The following SEMA3E variants were observed in gnomAD, a reference collection of about 807,000 sequenced individuals.
SEMA3E encodes semaphorin-3E.
SEMA3E carries 49 observed loss-of-function variants against 93.6 expected under a neutral mutation model. The observed-to-expected ratio is 0.52, with a 90% CI of 0.42 to 0.66. The LOEUF (loss-of-function observed/expected upper bound fraction) is 0.66, where lower values mean the gene tolerates loss of function less well. SEMA3E is among the 30% of genes least tolerant of loss of function. The pLI, the probability that SEMA3E is intolerant of heterozygous loss-of-function variation, is 0.00. For synonymous variants in SEMA3E, 363 were observed against 330.7 expected (o/e 1.10, Z -1.06); for missense variants, 906 against 964.8 (o/e 0.94, Z 0.81).
chr7:83,436,449 C>T (rs1789007008), intron 4 of SEMA3E, among the ~76,000 whole-genome samples: 1 of 151,514 alleles, frequency 6.6e-6, no homozygotes, highest in South Asian at 2.1e-4. Context: ...AGCCTTTCAA[C>T]CTCAATTTCG....
At chr7:83,429,145 A>G (rs1245043635) in intron 4 of SEMA3E, among the ~76,000 whole-genome samples, 1 of 152,174 alleles carries the variant, frequency 6.6e-6, no homozygotes, top group African/African-American at 2.4e-5. Flanking sequence ...AACGTTTGTA[A>G]GTCCTTTAAT....
At chr7:83,509,184 T>C (rs1188466874) in intron 1 of SEMA3E, among the ~76,000 whole-genome samples, 2 of 152,188 alleles carry the variant, frequency 1.3e-5, no homozygotes, top group East Asian at 3.9e-4. Context: ...CTTTGCTTTG[T>C]CTTAACACTT....
At position 83,408,415 on chromosome 7, in the gene SEMA3E, C is replaced by T. The variant is rs61729612; in HGVS notation, c.623G>A (p.Arg208Gln). The change falls in exon 6 of 17, where the codon CGA becomes CAA. Residue 208 changes from arginine to glutamine, a missense_variant. Coordinates refer to ENST00000643230, the MANE Select transcript of SEMA3E (RefSeq NM_012431.3). ...ATGCTCAGTGCGGATATGGGCCAGT[C>T]GCCCCATGCTGCGGAAGATCGCAGC... ...RDAAIFRSMG[R>Q]LAHIRTEHDD... 4.3e-6 allele frequency: 7 copies of T among 1,613,618 alleles called. No homozygotes were observed. The South Asian group carries it at 4.4e-5, about 10-fold the overall frequency.
intron 1 of SEMA3E, among the ~76,000 whole-genome samples, chr7:83,603,080 T>C (rs545114042): frequency 1.3e-5 from 2 of 152,286 alleles, no homozygotes; most frequent in South Asian, 4.1e-4. Flanking sequence ...AAAGAAGCTA[T>C]ATTGTATAAG....
intron 4 of SEMA3E, among the ~76,000 whole-genome samples, chr7:83,465,805 A>G (rs1789743768): frequency 6.6e-6 from 1 of 152,204 alleles, no homozygotes; most frequent in African/African-American, 2.4e-5. Context: ...TATACTTAAA[A>G]GTAACGAGAG....
At chr7:83,546,321 G>GGT (rs67647992) in intron 1 of SEMA3E, among the ~76,000 whole-genome samples, 2,614 of 129,404 alleles carry the variant, frequency 0.02, 24 homozygotes, top group Admixed American at 0.029. Context: ...TATAATAAGG[G>GGT]GTGTGTGTGT....
chr7:83,616,511 G>T, intron 1 of SEMA3E: 1 of 212,952 alleles, frequency 4.7e-6, no homozygotes, highest in South Asian at 5.4e-5. Flanking sequence ...AAAATAGCGG[G>T]CAAACTGGCT....
At chr7:83,387,188 C>A in intron 14 of SEMA3E, 138 bp from the exon 15 acceptor site, 2 of 746,548 alleles carry the variant, frequency 2.7e-6, no homozygotes, top group Non-Finnish European at 4.5e-6. Flanking sequence ...GAATAAAATC[C>A]AAGTTTCATA....
intron 4 of SEMA3E, among the ~76,000 whole-genome samples, chr7:83,436,076 A>G (rs1443157479): frequency 1.3e-5 from 2 of 152,086 alleles, no homozygotes; most frequent in Admixed American, 6.5e-5. Context: ...TATCAATACT[A>G]TATTTGGTAA....
intron 1 of SEMA3E, among the ~76,000 whole-genome samples, chr7:83,613,501 C>T (rs1482005688): frequency 6.6e-6 from 1 of 151,924 alleles, no homozygotes; most frequent in Non-Finnish European, 1.5e-5. Context: ...TAACAAAGAG[C>T]CCTATTTACC....
intron 1 of SEMA3E, among the ~76,000 whole-genome samples, chr7:83,547,816 G>A (rs1791682050): frequency 6.6e-6 from 1 of 152,028 alleles, no homozygotes; most frequent in African/African-American, 2.4e-5. Context: ...ACTGCCAGGT[G>A]AGGCAAGCAG....
intron 1 of SEMA3E, among the ~76,000 whole-genome samples, chr7:83,608,398 A>G (rs958364103): frequency 1.3e-5 from 2 of 152,104 alleles, no homozygotes; most frequent in Non-Finnish European, 2.9e-5. Context: ...GGAATTTTTT[A>G]AAGGAAAAAT....
intron 5 of SEMA3E, among the ~76,000 whole-genome samples, chr7:83,408,855 T>C (rs1230626144): frequency 1.1e-4 from 17 of 152,350 alleles, no homozygotes; most frequent in Middle Eastern, 3.4e-3. Context: ...AGACTTCTTT[T>C]AACCTCCCTA....
chr7:83,578,177 G>A (rs1251683684), intron 1 of SEMA3E, among the ~76,000 whole-genome samples: 3 of 151,592 alleles, frequency 2.0e-5, no homozygotes, highest in African/African-American at 7.3e-5. Context: ...TGATAAAATA[G>A]TTTCATTTAC....
chr7:83,577,938 C>G (rs537248598), intron 1 of SEMA3E, among the ~76,000 whole-genome samples: 1 of 151,976 alleles, frequency 6.6e-6, no homozygotes, highest in Non-Finnish European at 1.5e-5. Flanking sequence ...TGATATGACT[C>G]TTTTTTACCT....
chr7:83,483,838 A>G (rs2115952788), intron 2 of SEMA3E, among the ~76,000 whole-genome samples: 1 of 152,238 alleles, frequency 6.6e-6, no homozygotes, highest in Non-Finnish European at 1.5e-5. Flanking sequence ...TGAAGTTAAA[A>G]TTGAAGGTTA....
intron 4 of SEMA3E, among the ~76,000 whole-genome samples, chr7:83,451,464 C>T (rs1046320954): frequency 8.6e-5 from 13 of 152,026 alleles, no homozygotes; most frequent in Middle Eastern, 3.4e-3. Context: ...GTAACAAACC[C>T]ATTCATTTAT....
At chr7:83,417,439 C>T (rs999191924) in intron 5 of SEMA3E, among the ~76,000 whole-genome samples, 1 of 152,008 alleles carries the variant, frequency 6.6e-6, no homozygotes, top group Admixed American at 6.6e-5. Flanking sequence ...AAGTTTTAAT[C>T]GTTTATTTAG....
intron 4 of SEMA3E, among the ~76,000 whole-genome samples, chr7:83,432,857 A>T (rs1584245511): frequency 6.6e-6 from 1 of 152,200 alleles, no homozygotes; most frequent in African/African-American, 2.4e-5. Context: ...AACATTGATC[A>T]ATACAGAAAA....
Sources: gnomAD v4.1 joint callset for allele counts (sites outside exome capture counted in the v4.1 genomes callset) on GRCh38, gnomAD v4.1.1 for gene constraint, MANE v1.5 for transcripts, NCBI Gene and HGNC (gene_info 2026-07-23, HGNC 2026-07-21) for gene names.